FAM114A1: variants seen among roughly 807,000 people sequenced by gnomAD.
The protein encoded by FAM114A1 is family with sequence similarity 114 member A1.
Under a neutral mutation model 64.3 loss-of-function variants are expected in FAM114A1, and 62 were observed. The observed-to-expected ratio is 0.96, with a 90% confidence interval of 0.79 to 1.19. The LOEUF is 1.19. Ranked by LOEUF, FAM114A1 falls within the 50% of genes most tolerant of loss-of-function variation. The probability of loss-of-function intolerance (pLI) is 0.00; values close to 1 mark genes in which losing one functional copy is unlikely to be tolerated. For missense variants in FAM114A1, 645 were observed against 676.3 expected, an observed-to-expected ratio of 0.95 and a Z score of 0.51; for synonymous variants, 254 against 251.1, an observed-to-expected ratio of 1.01 and a Z score of -0.11.
Position 38,931,563 on chromosome 4 carries a change from A to T in FAM114A1, c.1274A>T (p.Gln425Leu), listed in dbSNP as rs746329495. 3 of 1,611,126 alleles carry T rather than the reference A, an allele frequency of 1.9e-6. No individual in the cohort carries two copies. In the African/African-American group the frequency reaches 4.0e-5, roughly 22 times the overall value. ...TKKEEKEEKS[Q>L]DPQEDKKEEK... ...AAGGAAGAAAAGGAAGAGAAATCTC[A>T]AGACCCTCAAGAAGACAAAAAGGAG... The change falls in exon 11 of 15, where the codon CAA becomes CTA. Residue 425 changes from glutamine (Q) to leucine (L), a missense_variant. Coordinates refer to ENST00000358869, the MANE Select transcript of FAM114A1 (RefSeq NM_138389.4).
chr4:38,924,134 G>A (rs1016877524), intron 9 of FAM114A1, among the ~76,000 whole-genome samples: 3 of 151,440 alleles, frequency 2.0e-5, no homozygotes, highest in South Asian at 2.1e-4. Context: ...CTGAAATGCA[G>A]TATCTTCACT....
chr4:38,878,472 T>C (rs1459718726), intron 3 of FAM114A1, 46 bp downstream of exon 3: 2 of 1,517,112 alleles, frequency 1.3e-6, no homozygotes, highest in African/African-American at 1.4e-5. Flanking sequence ...TTCTTGCTTA[T>C]ATCTACCGTG....
At position 38,890,837 on chromosome 4, in the gene FAM114A1, A is replaced by C. The variant is rs934543130; in HGVS notation, c.349-906A>C. On this transcript the variant is annotated intron_variant, in intron 3 of 14. Transcript: ENST00000358869. The stretch of plus-strand genomic sequence containing the variant: ...GAGTATATCAGTGAATAAAACATTT[A>C]AAAAAATGAACAAGAATATGAGAGA... 3.9e-5 allele frequency among the ~76,000 whole-genome samples: 6 copies of C among 152,218 alleles called. No homozygotes were observed. In the East Asian group the frequency reaches 7.7e-4, roughly 20 times the overall value.
At chr4:38,892,151 G>A (rs916329661) in intron 4 of FAM114A1, among the ~76,000 whole-genome samples, 1 of 152,120 alleles carries the variant, frequency 6.6e-6, no homozygotes, top group Non-Finnish European at 1.5e-5. Flanking sequence ...ATATTATATG[G>A]TCTTTTAAAG....
intron 3 of FAM114A1, among the ~76,000 whole-genome samples, chr4:38,880,090 A>AGTAGAATAGAGTAGAGTAG (rs3067658): frequency 1.2e-4 from 11 of 92,930 alleles, no homozygotes; most frequent in African/African-American, 3.9e-4. Context: ...AAATAAAATA[A>AGTAGAATAGAGTAGAGTAG]AATAAAATAA....
At chr4:38,929,826 G>A (rs1371624195) in intron 10 of FAM114A1, among the ~76,000 whole-genome samples, 2 of 152,130 alleles carry the variant, frequency 1.3e-5, no homozygotes, top group African/African-American at 4.8e-5. Flanking sequence ...GCAACATAAT[G>A]GAATGTGGTG....
intron 1 of FAM114A1, 153 bp downstream of exon 1, chr4:38,867,987 G>A (rs1487867681): frequency 7.7e-6 from 3 of 391,604 alleles, no homozygotes; most frequent in Non-Finnish European, 1.5e-5. Flanking sequence ...GCAGTGGTCA[G>A]GGAGGACCCG....
At position 38,868,465 on chromosome 4, in the gene FAM114A1, GC is replaced by G; in HGVS notation, c.-85del. The G allele has an allele frequency of 6.5e-6, 1 of 152,694 alleles. No homozygotes were observed. The highest frequency in any genetic ancestry group is 1.5e-5 in the Non-Finnish European group (1 of 68,328). The allele number at this position is 152,694 out of a possible 1,614,324, so 9.5% of individuals were successfully genotyped here. A position where few individuals can be genotyped will look rare whatever the true frequency, so the allele number is the denominator to read the frequency against. On this transcript the variant is annotated 5_prime_UTR_variant, in exon 2 of 15. Transcript: ENST00000358869. ...TAAGCAGGCACCGCCTCCACTCGCA[GC>G]CCCCGGGATGGGTCCCACTCCCTAC...
chr4:38,937,225 T>C (rs1049503078), intron 13 of FAM114A1, among the ~76,000 whole-genome samples: 9 of 152,188 alleles, frequency 5.9e-5, no homozygotes, highest in African/African-American at 1.9e-4. Flanking sequence ...ATAAACTGGG[T>C]TATTTTCTCG....
intron 12 of FAM114A1, among the ~76,000 whole-genome samples, chr4:38,934,230 T>C (rs1221964129): frequency 6.6e-6 from 1 of 152,152 alleles, no homozygotes; most frequent in Non-Finnish European, 1.5e-5. Flanking sequence ...TACTCTTTGC[T>C]CCTTTCTGAT....
intron 2 of FAM114A1, among the ~76,000 whole-genome samples, chr4:38,870,322 C>G (rs1310306214): frequency 6.6e-6 from 1 of 152,216 alleles, no homozygotes; most frequent in African/African-American, 2.4e-5. Flanking sequence ...AAGATTCTCC[C>G]TTGCACAGGG....
intron 3 of FAM114A1, among the ~76,000 whole-genome samples, chr4:38,882,393 G>A (rs1315830597): frequency 6.6e-6 from 1 of 151,840 alleles, no homozygotes; most frequent in Non-Finnish European, 1.5e-5. Context: ...ACTTTGGGAG[G>A]CCGAGGGGAC....
At position 38,914,923 on chromosome 4, in the gene FAM114A1, G is replaced by A. The variant is rs1718889696; in HGVS notation, c.795G>A (p.Met265Ile). 6.2e-7 allele frequency: 1 copy of A among 1,613,856 alleles called. No homozygotes were observed. Residue 265 changes from methionine (M) to isoleucine (I), a missense_variant and splice_region_variant, in exon 8 of 15, where the codon ATG becomes ATA. Met to Ile is a conservative substitution (Grantham distance 10). Coordinates refer to ENST00000358869, the MANE Select transcript of FAM114A1 (RefSeq NM_138389.4). ...LMERTVSLSQ[M>I]LREAKEKEKQ... The stretch of plus-strand genomic sequence containing the variant: ...ACAAACATTGTGTATTTCTGCAGAT[G>A]TTAAGGGAAGCTAAGGAGAAGGAGA...
chr4:38,884,180 G>T (rs111934584), intron 3 of FAM114A1, among the ~76,000 whole-genome samples: 271 of 152,288 alleles, frequency 1.8e-3, no homozygotes, highest in African/African-American at 6.1e-3. Context: ...GTAGAGACGG[G>T]GTCTCCCTGT....
intron 7 of FAM114A1, among the ~76,000 whole-genome samples, chr4:38,910,220 T>C (rs6837037): frequency 0.51 from 76,048 of 150,034 alleles, 21,921 homozygotes; most frequent in African/African-American, 0.79. Flanking sequence ...GCCTGGGCAA[T>C]AAAGCAGGAC....
chr4:38,932,432 A>G, intron 12 of FAM114A1, 58 bp downstream of exon 12: 1 of 1,479,180 alleles, frequency 6.8e-7, no homozygotes, highest in Non-Finnish European at 9.1e-7. Flanking sequence ...GGTACCATTC[A>G]GATACACACA....
intron 4 of FAM114A1, among the ~76,000 whole-genome samples, chr4:38,895,715 A>G (rs918146777): frequency 5.3e-5 from 8 of 152,176 alleles, no homozygotes; most frequent in Non-Finnish European, 1.2e-4. Flanking sequence ...TCATTGTGCA[A>G]ACCTCCAAAG....
intron 4 of FAM114A1, among the ~76,000 whole-genome samples, chr4:38,892,397 C>T (rs1716497139): frequency 6.6e-6 from 1 of 151,918 alleles, no homozygotes; most frequent in South Asian, 2.1e-4. Context: ...TTCTTGGCTG[C>T]CAGTACATTA....
intron 3 of FAM114A1, among the ~76,000 whole-genome samples, chr4:38,880,879 C>T (rs1158736786): frequency 6.6e-6 from 1 of 152,170 alleles, no homozygotes; most frequent in Non-Finnish European, 1.5e-5. Flanking sequence ...TATAACAGGA[C>T]TGTTCATGAA....
Sources: gnomAD v4.1 joint callset for allele counts (sites outside exome capture counted in the v4.1 genomes callset) on GRCh38, gnomAD v4.1.1 for gene constraint, MANE v1.5 for transcripts, NCBI Gene and HGNC (gene_info 2026-07-23, HGNC 2026-07-21) for gene names.